The following MAP2K5 variants were observed in gnomAD, a reference collection of about 807,000 sequenced individuals.
MAP2K5 encodes mitogen-activated protein kinase kinase 5.
MAP2K5 carries 49 observed loss-of-function variants against 83.1 expected under a neutral mutation model. The ratio of observed to expected loss-of-function variants is 0.59; its 90% CI spans 0.47 to 0.75. MAP2K5 has a LOEUF of 0.75. Among genes scored for constraint, MAP2K5 ranks in the 30% least tolerant of loss-of-function variants. MAP2K5 has a pLI of 0.00. For missense variants in MAP2K5, 457 were observed against 557.5 expected (o/e 0.82, Z 1.82); for synonymous variants, 202 against 191.8 (o/e 1.05, Z -0.44).
chr15:67,641,920 C>T (rs1290271731), intron 9 of MAP2K5, among the ~76,000 whole-genome samples: 1 of 152,140 alleles, frequency 6.6e-6, no homozygotes, highest in African/African-American at 2.4e-5. Context: ...ATTAACCTTC[C>T]ACCCAGAGTG....
chr15:67,703,633 C>T (rs1226071603), intron 16 of MAP2K5, among the ~76,000 whole-genome samples: 3 of 152,108 alleles, frequency 2.0e-5, no homozygotes, highest in African/African-American at 7.2e-5. Context: ...TAAGACCTGC[C>T]TGGAGCGCTT....
chr15:67,640,527 A>G lies in MAP2K5; in HGVS notation c.586-5704A>G. On this transcript the variant is annotated intron_variant, in intron 9 of 21. Transcript: ENST00000178640. The surrounding 1 kb of genome is among the most constrained non-coding windows in gnomAD (Gnocchi z 4.6). ...TGCCTGATGTCACAGAGGATTGTGA[A>G]GAGCAGCAAATCACAGTCCTTGTCC... 2.1e-6 allele frequency: 2 copies of G among 957,648 alleles called. No individual in the cohort carries two copies. The highest frequency in any genetic ancestry group is 2.5e-6 in the Non-Finnish European group (2 of 804,612). The allele number at this position is 957,648 out of a possible 1,614,324, so 59.3% of individuals were successfully genotyped here. A position where few individuals can be genotyped will look rare whatever the true frequency, so the allele number is the denominator to read the frequency against.
intron 16 of MAP2K5, among the ~76,000 whole-genome samples, chr15:67,727,377 C>T (rs1206052624): frequency 6.6e-6 from 1 of 152,144 alleles, no homozygotes; most frequent in East Asian, 1.9e-4. Flanking sequence ...GACTTCACAA[C>T]CTTGAAATGG....
Position 67,801,002 on chromosome 15 carries a change from G to A in MAP2K5, c.1243-5644G>A, listed in dbSNP as rs1015211918. Among the ~76,000 whole-genome samples, 1 of 152,236 alleles carries A rather than the reference G, an allele frequency of 6.6e-6. No homozygotes were observed. Among genetic ancestry groups the A allele is most frequent in the East Asian group, 1.9e-4 (1 of 5,184 alleles). On this transcript the variant is annotated intron_variant, in intron 21 of 21. Transcript: ENST00000178640. This position sits in a 1 kb window ranked among gnomAD's most constrained non-coding sequence, Gnocchi z 4.8. ...GAGTGTATGTTATTTTTTTAAATCC[G>A]TTTTTAAAACTGTAGCTAAAAATTT...
rs933597287 is a variant in MAP2K5 at position 67,722,900 on chromosome 15, A to G, written c.1045-5016A>G. Among the ~76,000 whole-genome samples the G allele has an allele frequency of 2.0e-5, 3 of 152,254 alleles. No homozygotes were observed. The highest frequency in any genetic ancestry group is 7.2e-5 in the African/African-American group (3 of 41,476). On this transcript the variant is annotated intron_variant, in intron 16 of 21. Coordinates refer to ENST00000178640, the MANE Select transcript of MAP2K5 (RefSeq NM_145160.3). This position sits in a 1 kb window ranked among gnomAD's most constrained non-coding sequence, Gnocchi z 4.2. ...CAGACTATAAAGTTGTCATTCAGCT[A>G]GATCACTGGCTATATTGAAAATGCT...
intron 7 of MAP2K5, among the ~76,000 whole-genome samples, chr15:67,594,901 A>G (rs1389700005): frequency 6.6e-6 from 1 of 152,200 alleles, no homozygotes; most frequent in African/African-American, 2.4e-5. Context: ...ATAACTAAAC[A>G]GTGAGTGAAA....
intron 13 of MAP2K5, among the ~76,000 whole-genome samples, chr15:67,681,906 C>T (rs1279815414): frequency 6.6e-6 from 1 of 152,174 alleles, no homozygotes; most frequent in Non-Finnish European, 1.5e-5. Flanking sequence ...AATTAATGCC[C>T]TGATTAAACC....
chr15:67,684,443 A>C (rs758780295), intron 13 of MAP2K5, among the ~76,000 whole-genome samples: 1 of 152,248 alleles, frequency 6.6e-6, no homozygotes. Context: ...TGATTCAGCT[A>C]TCAGTGTTCA....
In MAP2K5 at chr15:67,750,180, G is replaced by A. The variant is rs62015176; in HGVS notation, c.1134+1579G>A. The stretch of plus-strand genomic sequence containing the variant: ...TATTTAAGGGATGAAGATTGATGAA[G>A]AACAATAATGTGTAACTTAAATGAT... On this transcript the variant is annotated intron_variant, in intron 19 of 21. Transcript: ENST00000178640. The surrounding 1 kb of genome is among the most constrained non-coding windows in gnomAD (Gnocchi z 4.2). 0.025 allele frequency among the ~76,000 whole-genome samples: 3,851 copies of A among 152,276 alleles called. 105 individuals are homozygous for A. The highest frequency in any genetic ancestry group is 0.067 in the South Asian group (325 of 4,832).
At chr15:67,697,460 G>T (rs1443571913) in intron 15 of MAP2K5, among the ~76,000 whole-genome samples, 3 of 152,136 alleles carry the variant, frequency 2.0e-5, no homozygotes, top group Non-Finnish European at 2.9e-5. Flanking sequence ...TAAGTGATCT[G>T]CCTTCAGAGA....
chr15:67,616,379 G>A (rs187860455), intron 8 of MAP2K5, among the ~76,000 whole-genome samples: 1 of 152,242 alleles, frequency 6.6e-6, no homozygotes, highest in East Asian at 1.9e-4. Context: ...TTTAGACAAT[G>A]ATTTATTTGT....
intron 11 of MAP2K5, among the ~76,000 whole-genome samples, chr15:67,647,186 C>T (rs1490211092): frequency 6.6e-6 from 1 of 152,140 alleles, no homozygotes; most frequent in East Asian, 1.9e-4. Context: ...TGGAGATTCT[C>T]AGTACATTAC....
chr15:67,769,359 CT>C lies in MAP2K5; in HGVS notation c.1135-237del, dbSNP rs1368567736. On this transcript the variant is annotated intron_variant, in intron 19 of 21. Coordinates refer to ENST00000178640, the MANE Select transcript of MAP2K5 (RefSeq NM_145160.3). The surrounding 1 kb of genome is among the most constrained non-coding windows in gnomAD (Gnocchi z 5.2). The stretch of plus-strand genomic sequence containing the variant: ...CTCCTACCCTGTGGCTATCATTGTC[CT>C]TTTTTCACCTCCCCCTCTCTCAGCT... Among the ~76,000 whole-genome samples, 1 of 152,132 alleles carries C rather than the reference CT, an allele frequency of 6.6e-6. No individual in the cohort carries two copies. Among genetic ancestry groups the C allele is most frequent in the Non-Finnish European group, 1.5e-5 (1 of 68,026 alleles).
chr15:67,634,367 CAAAAAAA>C (rs71142390), intron 9 of MAP2K5, among the ~76,000 whole-genome samples: 3 of 48,584 alleles, frequency 6.2e-5, no homozygotes, highest in Non-Finnish European at 8.1e-5. Context: ...GACCTCATCT[CAAAAAAA>C]AAAAAAAAAA....
intron 4 of MAP2K5, among the ~76,000 whole-genome samples, chr15:67,581,766 A>G (rs1485153101): frequency 6.6e-6 from 1 of 152,182 alleles, no homozygotes; most frequent in Non-Finnish European, 1.5e-5. Flanking sequence ...TTGCACTGAT[A>G]AAGTCTCCAA....
intron 8 of MAP2K5, among the ~76,000 whole-genome samples, chr15:67,617,256 T>G (rs1356075546): frequency 6.6e-6 from 1 of 152,186 alleles, no homozygotes; most frequent in African/African-American, 2.4e-5. Context: ...CATTCTTTCT[T>G]TAATTATATC....
At chr15:67,609,007 G>A (rs968161636) in intron 8 of MAP2K5, among the ~76,000 whole-genome samples, 1 of 152,116 alleles carries the variant, frequency 6.6e-6, no homozygotes, top group African/African-American at 2.4e-5. Flanking sequence ...ACAATGTGTT[G>A]TTCATTGCTG....
chr15:67,786,132 T>C lies in MAP2K5; in HGVS notation c.1242+13380T>C, dbSNP rs2090412745. The stretch of plus-strand genomic sequence containing the variant: ...TCAGCCTCTTTGGGTCATGATTTTC[T>C]CATCTGTCTGATGTTCCTGGGTATT... On this transcript the variant is annotated intron_variant, in intron 21 of 21. Coordinates refer to ENST00000178640, the MANE Select transcript of MAP2K5 (RefSeq NM_145160.3). The surrounding 1 kb of genome is among the most constrained non-coding windows in gnomAD (Gnocchi z 4.7). Among the ~76,000 whole-genome samples, 1 of 152,180 alleles carries C rather than the reference T, an allele frequency of 6.6e-6. No individual in the cohort carries two copies. Among genetic ancestry groups the C allele is most frequent in the South Asian group, 2.1e-4 (1 of 4,824 alleles).
chr15:67,564,950 A>T (rs2084808722), intron 3 of MAP2K5, among the ~76,000 whole-genome samples: 1 of 152,206 alleles, frequency 6.6e-6, no homozygotes, highest in Non-Finnish European at 1.5e-5. Flanking sequence ...AGTGATAATG[A>T]TGATTTCCAT....
Sources: gnomAD v4.1 joint callset for allele counts (sites outside exome capture counted in the v4.1 genomes callset) on GRCh38, gnomAD v4.1.1 for gene constraint, Gnocchi (gnomAD v3.1) non-coding constraint, MANE v1.5 for transcripts, NCBI Gene and HGNC (gene_info 2026-07-23, HGNC 2026-07-21) for gene names.